Variants in PCDHGA9 observed in about 807,000 individuals in gnomAD.
PCDHGA9 encodes protocadherin gamma-A9.
PCDHGA9 carries 37 observed loss-of-function variants against 62.5 expected under a neutral mutation model. The ratio of observed to expected loss-of-function variants is 0.59; its 90% CI spans 0.46 to 0.78. PCDHGA9 has a LOEUF of 0.78. Among genes scored for constraint, PCDHGA9 ranks in the 30% least tolerant of loss-of-function variants. The probability of loss-of-function intolerance (pLI) is 0.00; values close to 1 mark genes in which losing one functional copy is unlikely to be tolerated. For synonymous variants in PCDHGA9, 459 were observed against 484.6 expected, an observed-to-expected ratio of 0.95 and a Z score of 0.69; for missense variants, 1,138 against 1,166.2, an observed-to-expected ratio of 0.98 and a Z score of 0.35.
chr5:141,505,711 A>C (rs372711957), intron 3 of PCDHGA9, among the ~76,000 whole-genome samples: 17 of 152,058 alleles, frequency 1.1e-4, no homozygotes, highest in Admixed American at 2.6e-4. Context: ...CAAGGAAAAG[A>C]CTCATGGAGG....
chr5:141,504,848 C>G (rs181277525), intron 2 of PCDHGA9, among the ~76,000 whole-genome samples: 1 of 152,236 alleles, frequency 6.6e-6, no homozygotes, highest in Non-Finnish European at 1.5e-5. Context: ...CTGGAACATT[C>G]TCTTCCATTT....
At chr5:141,482,852 A>G (rs1237049208) in intron 1 of PCDHGA9, among the ~76,000 whole-genome samples, 1 of 144,420 alleles carries the variant, frequency 6.9e-6, no homozygotes, top group Non-Finnish European at 1.5e-5. Flanking sequence ...TGGGCAGATC[A>G]CTTGAGGTCA....
chr5:141,454,998 G>A (rs909142112), intron 1 of PCDHGA9, among the ~76,000 whole-genome samples: 1 of 151,220 alleles, frequency 6.6e-6, no homozygotes, highest in Admixed American at 6.6e-5. Flanking sequence ...ATTTTTAGTA[G>A]AGACGGGGTT....
At position 141,431,578 on chromosome 5, in the gene PCDHGA9, C is replaced by T. The variant is rs756332070; in HGVS notation, c.2424+26202C>T. 6.2e-7 allele frequency: 1 copy of T among 1,614,164 alleles called. No homozygotes were observed. On this transcript the variant is annotated intron_variant, in intron 1 of 3. Coordinates refer to ENST00000573521, the MANE Select transcript of PCDHGA9 (RefSeq NM_018921.3). This position sits in a 1 kb window ranked among gnomAD's most constrained non-coding sequence, Gnocchi z 4.8. ...ACGCTACCGACCCTGACGAAGGAGT[C>T]AATGCGGAAGTGAGGTATTCCTTCC...
rs756464724 is a variant in PCDHGA9, at chr5:141,478,476, A to T, written c.2425-16331A>T. The T allele has an allele frequency of 5.0e-6, 8 of 1,613,838 alleles. 1 individual carries two copies. The South Asian group carries it at 7.7e-5, about 16-fold the overall frequency. The stretch of plus-strand genomic sequence containing the variant: ...GCCAGTCCACTGGCCAGCCGCCAGA[A>T]CACGCTGCGGAGCTGTGATCCGGTG... On this transcript the variant is annotated intron_variant, in intron 1 of 3. Transcript: ENST00000573521.
chr5:141,410,466 G>T (rs536543649), intron 1 of PCDHGA9: 2 of 1,613,908 alleles, frequency 1.2e-6, no homozygotes, highest in South Asian at 1.1e-5. Context: ...TATAATCTGT[G>T]CATTGCACAT....
At chr5:141,497,983 C>T (rs2099780927) in intron 2 of PCDHGA9, among the ~76,000 whole-genome samples, 1 of 152,168 alleles carries the variant, frequency 6.6e-6, no homozygotes, top group African/African-American at 2.4e-5. Context: ...GTGGGAGGCC[C>T]CTGCCCTCAA....
chr5:141,462,998 C>A (rs562002585), intron 1 of PCDHGA9, among the ~76,000 whole-genome samples: 3 of 152,190 alleles, frequency 2.0e-5, no homozygotes, highest in Admixed American at 2.0e-4. Context: ...CTAATTTAGA[C>A]CTACCACTTA....
In PCDHGA9 at chr5:141,408,237, G is replaced by C. The variant is rs1445060280; in HGVS notation, c.2424+2861G>C. 3.2e-6 allele frequency: 5 copies of C among 1,575,002 alleles called. No individual in the cohort carries two copies. In the South Asian group the frequency reaches 4.6e-5, roughly 14 times the overall value. On this transcript the variant is annotated intron_variant, in intron 1 of 3. Transcript: ENST00000573521. ...AGCTGCGCGCAGAGGCGCCGGGCCG[G>C]CCCGCGGCAGGTGCTATTTCCTTTG...
chr5:141,473,237 A>C (rs2099317600), intron 1 of PCDHGA9, among the ~76,000 whole-genome samples: 1 of 152,194 alleles, frequency 6.6e-6, no homozygotes, highest in African/African-American at 2.4e-5. Context: ...GATCCACACA[A>C]GTGAATACAT....
chr5:141,417,633 G>C, intron 1 of PCDHGA9: 1 of 712,146 alleles, frequency 1.4e-6, no homozygotes, highest in South Asian at 2.3e-5. Flanking sequence ...CGCTGACGCC[G>C]GGGATCCCTC....
intron 1 of PCDHGA9, chr5:141,441,802 T>C (rs2098274220): frequency 2.6e-6 from 1 of 382,538 alleles, no homozygotes; most frequent in South Asian, 2.1e-5. Flanking sequence ...GCACCGCGGG[T>C]GCTGTACCCC....
In PCDHGA9 at chr5:141,405,165, C is replaced by G. The variant is rs745998723; in HGVS notation, c.2213C>G (p.Ser738Ter). 1.9e-6 allele frequency: 3 copies of G among 1,613,978 alleles called. No individual in the cohort carries two copies. In the South Asian group the frequency reaches 3.3e-5, roughly 18 times the overall value. The change falls in exon 1 of 4, where the codon TCA becomes TGA. Residue 738 changes from serine to a stop codon, truncating the protein, a stop_gained. Transcript: ENST00000573521. LOFTEE classifies it high-confidence loss of function. ...TSDGLAGVPTSHFVGVDGVRA... is the reference protein window; with the variant it reads ...TSDGLAGVPT Reference sequence around the variant, plus strand: ...GATGGGTTGGCTGGTGTGCCCACCTCACACTTTGTGGGTGTAGATGGGGTT... The same window carrying G: ...GATGGGTTGGCTGGTGTGCCCACCTGACACTTTGTGGGTGTAGATGGGGTT...
intron 1 of PCDHGA9, among the ~76,000 whole-genome samples, chr5:141,482,530 CAAAA>C (rs3074545): frequency 9.1e-5 from 7 of 76,540 alleles, no homozygotes; most frequent in South Asian, 4.6e-4. Flanking sequence ...GACAGACATG[CAAAA>C]AAAAAAAAAA....
chr5:141,503,598 CAAAAAAAAAA>C (rs765754054), intron 2 of PCDHGA9, among the ~76,000 whole-genome samples: 1 of 65,762 alleles, frequency 1.5e-5, no homozygotes. Context: ...GACTCCAGCT[CAAAAAAAAAA>C]AAAAAAGAAA....
At chr5:141,414,811 C>T in intron 1 of PCDHGA9, 3 of 1,614,254 alleles carry the variant, frequency 1.9e-6, no homozygotes, top group Non-Finnish European at 2.5e-6. Context: ...GGATCCTCCA[C>T]TCAGCAGCAA....
chr5:141,405,372 T>C lies in PCDHGA9; in HGVS notation c.2420T>C (p.Val807Ala). The C allele has an allele frequency of 6.2e-7, 1 of 1,601,630 alleles. No individual in the cohort carries two copies. Among genetic ancestry groups the C allele is most frequent in the East Asian group, 2.2e-5 (1 of 44,846 alleles). The change falls in exon 1 of 4, where the codon GTT (valine) becomes GCT (alanine). Residue 807 changes from valine (V) to alanine (A), a missense_variant. By Grantham distance (64) the Val-to-Ala change is moderately conservative. Transcript: ENST00000573521. ...SKFPIEDTPL[V>A]PQAPPNTDWR... ...TTTCCTATAGAAGACACCCCTTTGGTTCCGGTGAGTTCATTTTTTTTCTTT... is the reference window on the plus strand; with the variant it reads ...TTTCCTATAGAAGACACCCCTTTGGCTCCGGTGAGTTCATTTTTTTTCTTT...
chr5:141,505,436 T>C lies in PCDHGA9; in HGVS notation c.2527T>C (p.Phe843Leu). 1.2e-6 allele frequency: 2 copies of C among 1,614,118 alleles called. No homozygotes were observed. The highest frequency in any genetic ancestry group is 1.7e-6 in the Non-Finnish European group (2 of 1,179,998). ...DDTGTWPNNQ[F>L]DTEMLQAMIL... is the part of the protein sequence containing the mutation. ...CACCGGCACCTGGCCCAACAACCAG[T>C]TTGACACAGAGATGCTGCAAGCCAT... Residue 843 changes from phenylalanine (F) to leucine (L), a missense_variant, in exon 3 of 4, where the codon TTT becomes CTT. Phe to Leu is a conservative substitution (Grantham distance 22). Coordinates refer to ENST00000573521, the MANE Select transcript of PCDHGA9 (RefSeq NM_018921.3).
Position 141,490,226 on chromosome 5 carries a change from C to T in PCDHGA9, c.2425-4581C>T. On this transcript the variant is annotated intron_variant, in intron 1 of 3. Coordinates refer to ENST00000573521, the MANE Select transcript of PCDHGA9 (RefSeq NM_018921.3). This position sits in a 1 kb window ranked among gnomAD's most constrained non-coding sequence, Gnocchi z 5.4. ...AGAGCCCGTGACCAGGGACAGCCTG[C>T]CATGGAGGGCCACTGTGTGATTCAA... The T allele has an allele frequency of 6.2e-7, 1 of 1,614,168 alleles. No homozygotes were observed. Among genetic ancestry groups the T allele is most frequent in the Non-Finnish European group, 8.5e-7 (1 of 1,180,020 alleles).
Sources: allele counts gnomAD v4.1 joint callset (sites outside exome capture counted in the v4.1 genomes callset), GRCh38; gene constraint gnomAD v4.1.1; non-coding constraint Gnocchi (gnomAD v3.1); transcripts MANE v1.5; gene names NCBI Gene and HGNC (gene_info 2026-07-23, HGNC 2026-07-21).